Variants in POGLUT1 observed in about 807,000 individuals in gnomAD.
POGLUT1 encodes the protein 9630046K23Rik.
In POGLUT1, 32 loss-of-function variants were observed where a neutral mutation model predicts 61.3. The observed-to-expected ratio is 0.52, with a 90% confidence interval of 0.39 to 0.70. POGLUT1 has a LOEUF of 0.70. Ranked by LOEUF, POGLUT1 falls within the 30% of genes least tolerant of loss-of-function variation. The pLI, the probability that POGLUT1 is intolerant of heterozygous loss-of-function variation, is 0.00. For missense variants in POGLUT1, 411 were observed against 469.8 expected, an observed-to-expected ratio of 0.87 and a Z score of 1.16; for synonymous variants, 158 against 158.2, an observed-to-expected ratio of 1.00 and a Z score of 0.01.
At chr3:119,485,510 T>C (rs1290640001) in intron 6 of POGLUT1, 123 bp downstream of exon 6, 1 of 598,136 alleles carries the variant, frequency 1.7e-6, no homozygotes. Context: ...GAAAGAAATG[T>C]GGAATCACAA....
intron 3 of POGLUT1, among the ~76,000 whole-genome samples, chr3:119,475,765 T>C (rs1196536898): frequency 2.0e-5 from 3 of 149,714 alleles, no homozygotes; most frequent in East Asian, 2.0e-4. Context: ...TCAGCTGAGA[T>C]TGCGCCATTG....
intron 7 of POGLUT1, 109 bp downstream of exon 7, chr3:119,487,041 A>G (rs1472966587): frequency 1.3e-6 from 1 of 754,478 alleles, no homozygotes; most frequent in East Asian, 2.5e-5. Flanking sequence ...GGTGAGGTGA[A>G]TGTAAAGAAA....
At chr3:119,473,867 G>A (rs776275857) in intron 3 of POGLUT1, among the ~76,000 whole-genome samples, 12 of 152,052 alleles carry the variant, frequency 7.9e-5, no homozygotes, top group South Asian at 2.1e-4. Flanking sequence ...CACCTCGTTC[G>A]TCAGGCTGGT....
intron 6 of POGLUT1, among the ~76,000 whole-genome samples, chr3:119,486,403 T>TA (rs2081664251): frequency 6.6e-6 from 1 of 152,104 alleles, no homozygotes; most frequent in African/African-American, 2.4e-5. Flanking sequence ...GCATTTTTTT[T>TA]AAATTAAATA....
At chr3:119,489,115 G>A in intron 8 of POGLUT1, 128 bp downstream of exon 8, 1 of 539,366 alleles carries the variant, frequency 1.9e-6, no homozygotes, top group East Asian at 2.9e-5. Flanking sequence ...TCATTTCACT[G>A]GCTTTTCCTC....
In POGLUT1 at chr3:119,494,596, T is replaced by C. The variant is rs565137249; in HGVS notation, c.*2158T>C. ...TTGAAGGTTTTATTTGTTGTTGTTATTACTAGTTCAGTCCCAAACTTACCC... is the reference window on the plus strand; with the variant it reads ...TTGAAGGTTTTATTTGTTGTTGTTACTACTAGTTCAGTCCCAAACTTACCC... On this transcript the variant is annotated 3_prime_UTR_variant, in exon 11 of 11. Coordinates refer to ENST00000295588, the MANE Select transcript of POGLUT1 (RefSeq NM_152305.3). 2.0e-5 allele frequency: 3 copies of C among 152,806 alleles called. No individual in the cohort carries two copies. The highest frequency in any genetic ancestry group is 3.9e-4 in the East Asian group (2 of 5,192). The allele number at this position is 152,806 out of a possible 1,614,324, so 9.5% of individuals were successfully genotyped here. A position where few individuals can be genotyped will look rare whatever the true frequency, so the allele number is the denominator to read the frequency against.
At chr3:119,470,551 G>A (rs563527997) in intron 2 of POGLUT1, among the ~76,000 whole-genome samples, 23 of 152,320 alleles carry the variant, frequency 1.5e-4, no homozygotes, top group African/African-American at 5.1e-4. Context: ...ACCCCAGCCT[G>A]GGTGACAGAG....
rs1488502638 is a variant in POGLUT1, at chr3:119,493,146, C to A, written c.*708C>A. 1.2e-3 allele frequency: 174 copies of A among 140,266 alleles called. No homozygotes were observed. Among genetic ancestry groups the A allele is most frequent in the African/African-American group, 1.2e-3 (44 of 37,684 alleles). 8.7% of individuals were successfully genotyped at this position (140,266 alleles called of 1,614,324 possible). A position where few individuals can be genotyped will look rare whatever the true frequency, so the allele number is the denominator to read the frequency against. Reference sequence around the variant, plus strand: ...CTACTTCTTAATGCCTCTCTAAAGCCAAAAAAAAAAAAAAAGACAAAGCCT... The same window carrying A: ...CTACTTCTTAATGCCTCTCTAAAGCAAAAAAAAAAAAAAAAGACAAAGCCT... On this transcript the variant is annotated 3_prime_UTR_variant, in exon 11 of 11. Coordinates refer to ENST00000295588, the MANE Select transcript of POGLUT1 (RefSeq NM_152305.3).
chr3:119,494,484 GTCTA>G lies in POGLUT1; in HGVS notation c.*2050_*2053del, dbSNP rs1310517069. On this transcript the variant is annotated 3_prime_UTR_variant, in exon 11 of 11. Coordinates refer to ENST00000295588, the MANE Select transcript of POGLUT1 (RefSeq NM_152305.3). ...CAAATGTTATTCAGATTTTGTACTT[GTCTA>G]TCTGTTTACCTCAGTGTAGATGATA... 2.6e-5 allele frequency: 4 copies of G among 152,608 alleles called. No individual in the cohort carries two copies. Among genetic ancestry groups the G allele is most frequent in the African/African-American group, 9.7e-5 (4 of 41,448 alleles). The allele number at this position is 152,608 out of a possible 1,614,324, so 9.5% of individuals were successfully genotyped here.
Position 119,469,922 on chromosome 3 carries a change from T to C in POGLUT1, c.176+12T>C, listed in dbSNP as rs771770677. On this transcript the variant is annotated intron_variant, in intron 2 of 10. Transcript: ENST00000295588. ...AGCTGCTACCATGGGTGAGTTCTTT[T>C]CTTTGATGTGTCTTTGAGAGTTTAG... 15 of 1,487,196 alleles carry C rather than the reference T, an allele frequency of 1.0e-5. No homozygotes were observed. The Admixed American group carries it at 2.3e-4, about 23-fold the overall frequency. 92.1% of individuals were successfully genotyped at this position (1,487,196 alleles called of 1,614,324 possible).
chr3:119,469,940 G>T (rs1395560870), intron 2 of POGLUT1, 30 bp downstream of exon 2: 1 of 1,251,764 alleles, frequency 8.0e-7, no homozygotes, highest in Middle Eastern at 1.9e-4. Flanking sequence ...GTGTCTTTGA[G>T]AGTTTAGTTG....
chr3:119,491,397 G>T, intron 9 of POGLUT1, 121 bp from the exon 10 acceptor site: 1 of 462,396 alleles, frequency 2.2e-6, no homozygotes, highest in Middle Eastern at 4.5e-4. Flanking sequence ...TTTGCTTGAA[G>T]GAAATAATCC....
intron 7 of POGLUT1, among the ~76,000 whole-genome samples, chr3:119,487,776 A>T (rs2081685691): frequency 6.6e-6 from 1 of 152,138 alleles, no homozygotes; most frequent in African/African-American, 2.4e-5. Context: ...TGTGGGTCGT[A>T]GTTTGCCAAC....
chr3:119,491,684 C>A, intron 10 of POGLUT1, 110 bp downstream of exon 10: 1 of 555,656 alleles, frequency 1.8e-6, no homozygotes, highest in Non-Finnish European at 3.3e-6. Flanking sequence ...ATTTTATCCT[C>A]ATTATATGGA....
chr3:119,477,668 A>G (rs1340501577), intron 4 of POGLUT1, among the ~76,000 whole-genome samples: 2 of 152,186 alleles, frequency 1.3e-5, no homozygotes, highest in African/African-American at 2.4e-5. Context: ...TTGAGTGTCT[A>G]TAGGGCTAGA....
At chr3:119,490,402 C>T (rs2081728674) in intron 8 of POGLUT1, 149 bp from the exon 9 acceptor site, 1 of 693,708 alleles carries the variant, frequency 1.4e-6, no homozygotes, top group South Asian at 1.8e-5. Flanking sequence ...CACTTAGGAA[C>T]ATATTAATGT....
At chr3:119,480,029 G>C (rs754787487) in intron 4 of POGLUT1, 22 bp from the exon 5 acceptor site, 1 of 1,612,054 alleles carries the variant, frequency 6.2e-7, no homozygotes, top group African/African-American at 1.3e-5. Flanking sequence ...GATTTAGGAC[G>C]ACCTGTCTGT....
intron 5 of POGLUT1, among the ~76,000 whole-genome samples, chr3:119,482,576 A>G (rs548491644): frequency 1.2e-3 from 183 of 152,270 alleles, no homozygotes; most frequent in Non-Finnish European, 2.3e-3. Flanking sequence ...TTATATGAAT[A>G]CTTTTTTCTT....
Position 119,492,377 on chromosome 3 carries a change from A to G in POGLUT1, c.1118A>G (p.Asn373Ser), listed in dbSNP as rs187183254. ...LSEYSKFLSY[N>S]VTRRKGYDQI... Reference sequence around the variant, plus strand: ...GAATACTCTAAATTCCTGTCTTATAATGTAACGAGAAGGAAAGGTTATGAT... The same window carrying G: ...GAATACTCTAAATTCCTGTCTTATAGTGTAACGAGAAGGAAAGGTTATGAT... Residue 373 changes from asparagine (N) to serine (S), a missense_variant, in exon 11 of 11, where the codon AAT becomes AGT. Transcript: ENST00000295588. 5.6e-6 allele frequency: 9 copies of G among 1,607,294 alleles called. No homozygotes were observed. The highest frequency in any genetic ancestry group is 3.3e-5 in the Admixed American group (2 of 59,736).
Sources: allele counts gnomAD v4.1 joint callset (sites outside exome capture counted in the v4.1 genomes callset), GRCh38; gene constraint gnomAD v4.1.1; transcripts MANE v1.5; gene names NCBI Gene and HGNC (gene_info 2026-07-23, HGNC 2026-07-21).